Variants in SHC4 observed in about 807,000 individuals in gnomAD.
SHC4 encodes the protein SHC adaptor protein 4.
Under a neutral mutation model 69.4 loss-of-function variants are expected in SHC4, and 41 were observed. That is an observed-to-expected ratio of 0.59 (90% CI 0.46 to 0.77). The LOEUF is 0.77. Ranked by LOEUF, SHC4 falls within the 30% of genes least tolerant of loss-of-function variation. The probability of loss-of-function intolerance (pLI) is 0.00; values close to 1 mark genes in which losing one functional copy is unlikely to be tolerated. For synonymous variants in SHC4, 318 were observed against 299.3 expected (o/e 1.06, Z -0.64); for missense variants, 777 against 783.8 (o/e 0.99, Z 0.10).
At chr15:48,898,392 A>T (rs1395458537) in intron 2 of SHC4, among the ~76,000 whole-genome samples, 1 of 152,216 alleles carries the variant, frequency 6.6e-6, no homozygotes, top group Non-Finnish European at 1.5e-5. Context: ...CAGCCTCATA[A>T]AATACATCCT....
At chr15:48,836,452 ATTCTTATGTCTGAAACCAGG>A (rs933662229) in intron 10 of SHC4, among the ~76,000 whole-genome samples, 11 of 152,308 alleles carry the variant, frequency 7.2e-5, no homozygotes, top group South Asian at 6.2e-4. Flanking sequence ...ATAATGTAAA[ATTCTTATGTCTGAAACCAGG>A]TTCTTATGTC....
At position 48,825,996 on chromosome 15, in the gene SHC4, G is replaced by A. The variant is rs1291695048; in HGVS notation, c.1868C>T (p.Pro623Leu). The change falls in exon 12 of 12, where the codon CCA becomes CTA. Residue 623 changes from proline to leucine, a missense_variant. By Grantham distance (98) the Pro-to-Leu change is moderately conservative. Transcript: ENST00000332408. ...LKQPVRKDNN[P>L]ALLHSNK ...TCATTTGTTGGAATGCAAAAGTGCTGGATTATTATCTTTTCTCACTGGTTG... is the reference window on the plus strand; with the variant it reads ...TCATTTGTTGGAATGCAAAAGTGCTAGATTATTATCTTTTCTCACTGGTTG... 6.2e-7 allele frequency: 1 copy of A among 1,613,502 alleles called. No individual in the cohort carries two copies. The highest frequency in any genetic ancestry group is 8.5e-7 in the Non-Finnish European group (1 of 1,179,856).
At chr15:48,891,918 G>A (rs942603076) in intron 2 of SHC4, among the ~76,000 whole-genome samples, 1 of 152,014 alleles carries the variant, frequency 6.6e-6, no homozygotes, top group East Asian at 1.9e-4. Flanking sequence ...GCAGTGGCGC[G>A]ATCTCAGCTC....
intron 2 of SHC4, among the ~76,000 whole-genome samples, chr15:48,909,682 G>A (rs1900472644): frequency 6.6e-6 from 1 of 152,132 alleles, no homozygotes; most frequent in African/African-American, 2.4e-5. Flanking sequence ...TATTATGTTG[G>A]CTGTGGGTTT....
chr15:48,850,944 A>G (rs1351128143), intron 9 of SHC4, among the ~76,000 whole-genome samples: 5 of 152,226 alleles, frequency 3.3e-5, no homozygotes, highest in African/African-American at 1.2e-4. Context: ...AGGCAGTAAA[A>G]GACTCCATAA....
At chr15:48,877,533 T>C (rs1462062335) in intron 4 of SHC4, 1 of 984,696 alleles carries the variant, frequency 1.0e-6, no homozygotes, top group Non-Finnish European at 1.2e-6. Flanking sequence ...AAGATACATG[T>C]AAATGCAAAT....
intron 10 of SHC4, among the ~76,000 whole-genome samples, chr15:48,835,454 A>G (rs565030791): frequency 6.6e-6 from 1 of 152,328 alleles, no homozygotes; most frequent in East Asian, 1.9e-4. Flanking sequence ...GGCCATCCCC[A>G]CTTTTTAGCA....
intron 2 of SHC4, among the ~76,000 whole-genome samples, chr15:48,905,578 A>C (rs1900393059): frequency 6.6e-6 from 1 of 152,274 alleles, no homozygotes; most frequent in South Asian, 2.1e-4. Context: ...GGGGCCACCA[A>C]AGAGAGATAC....
intron 1 of SHC4, 88 bp downstream of exon 1, chr15:48,962,343 G>A (rs1901557857): frequency 5.2e-6 from 7 of 1,342,948 alleles, no homozygotes; most frequent in Admixed American, 2.6e-5. Flanking sequence ...CAGAACCCAG[G>A]CAGGTAACAT....
intron 4 of SHC4, chr15:48,878,739 A>G: frequency 1.9e-6 from 3 of 1,606,750 alleles, no homozygotes; most frequent in Non-Finnish European, 2.6e-6. Flanking sequence ...GATAGAGAGT[A>G]GTTAGATGCT....
rs1369590149 is a variant in SHC4, at chr15:48,843,389, G to A, written c.1483+20C>T. The stretch of plus-strand genomic sequence containing the variant: ...AAAACAGCCCTAAGAAATGAATACA[G>A]ACAGTGAGTAGCTACTTACTTCCGC... On this transcript the variant is annotated intron_variant, in intron 10 of 11. Transcript: ENST00000332408. The A allele has an allele frequency of 6.3e-7, 1 of 1,588,980 alleles. No individual in the cohort carries two copies. Among genetic ancestry groups the A allele is most frequent in the South Asian group, 1.1e-5 (1 of 89,128 alleles).
intron 4 of SHC4, chr15:48,877,927 T>G: frequency 2.2e-6 from 1 of 446,788 alleles, no homozygotes; most frequent in Non-Finnish European, 4.0e-6. Context: ...GTTACGCTCT[T>G]GCATGCAGGG....
intron 3 of SHC4, among the ~76,000 whole-genome samples, chr15:48,889,162 G>C (rs1245417772): frequency 6.6e-6 from 1 of 152,202 alleles, no homozygotes; most frequent in Non-Finnish European, 1.5e-5. Flanking sequence ...TTGCCTGGTA[G>C]CTGGAATCAT....
At chr15:48,873,106 A>G (rs1481045646) in intron 4 of SHC4, among the ~76,000 whole-genome samples, 1 of 111,372 alleles carries the variant, frequency 9.0e-6, no homozygotes, top group Admixed American at 1.1e-4. Flanking sequence ...AACAATTCCA[A>G]TGATGACTAT....
At chr15:48,843,802 G>A (rs774400288) in intron 9 of SHC4, among the ~76,000 whole-genome samples, 3 of 152,010 alleles carry the variant, frequency 2.0e-5, no homozygotes, top group Non-Finnish European at 4.4e-5. Context: ...TTCCCTTCTC[G>A]GGCCCAGCCC....
In SHC4 at chr15:48,872,102, G is replaced by T; in HGVS notation, c.881C>A (p.Ser294Tyr). Residue 294 changes from serine (S) to tyrosine (Y), a missense_variant, in exon 5 of 12, where the codon TCT becomes TAT. Ser to Tyr is a moderately radical substitution (Grantham distance 144). Transcript: ENST00000332408. ...NHHMQSISFASGGDPDTTDYV... is the reference protein window; with the variant it reads ...NHHMQSISFAYGGDPDTTDYV... ...ATCCATACTTACAGGATCCCCTCCA[G>T]AGGCAAATGAAATAGACTGCATATG... 6.3e-7 allele frequency: 1 copy of T among 1,595,596 alleles called. No homozygotes were observed.
rs776891400 is a variant in SHC4 at position 48,962,698 on chromosome 15, G to A, written c.318C>T (p.Asn106=). The A allele has an allele frequency of 6.2e-7, 1 of 1,614,150 alleles. No individual in the cohort carries two copies. The highest frequency in any genetic ancestry group is 8.5e-7 in the Non-Finnish European group (1 of 1,180,040). Reference sequence around the variant, plus strand: ...GCACCTCTTTGGTACCCAGGCAAAAGTTTTTCAGACTCAGCAAAGTGGCCG... The same window carrying A: ...GCACCTCTTTGGTACCCAGGCAAAAATTTTTCAGACTCAGCAAAGTGGCCG... ...ANPATLLSLK[N]FCLGTKEVPR... The change falls in exon 1 of 12, where the codon AAC becomes AAT. Residue 106 remains asparagine, a synonymous_variant. Transcript: ENST00000332408.
At chr15:48,935,953 A>T (rs1400929380) in intron 1 of SHC4, among the ~76,000 whole-genome samples, 1 of 152,136 alleles carries the variant, frequency 6.6e-6, no homozygotes, top group South Asian at 2.1e-4. Context: ...TAAAGGTGCT[A>T]ACACTTTCCA....
At chr15:48,934,067 G>T (rs1901022610) in intron 1 of SHC4, among the ~76,000 whole-genome samples, 1 of 151,886 alleles carries the variant, frequency 6.6e-6, no homozygotes, top group South Asian at 2.1e-4. Flanking sequence ...GCAACCAAAG[G>T]AAATAAATAT....
Sources: allele counts gnomAD v4.1 joint callset (sites outside exome capture counted in the v4.1 genomes callset), GRCh38; gene constraint gnomAD v4.1.1; transcripts MANE v1.5; gene names NCBI Gene and HGNC (gene_info 2026-07-23, HGNC 2026-07-21).